Variants in RBM22 observed in about 807,000 individuals in gnomAD.
The protein encoded by RBM22 is RNA binding motif protein 22.
A neutral mutation model predicts 50.1 loss-of-function variants in RBM22; 1 was observed. That is an observed-to-expected ratio of 0.02 (90% CI 0.01 to 0.09). RBM22 has a LOEUF of 0.09. RBM22 is among the 10% of genes least tolerant of loss of function. The pLI, the probability that RBM22 is intolerant of heterozygous loss-of-function variation, is 1.00. For missense variants in RBM22, 264 were observed against 529.3 expected (o/e 0.50, Z 4.92); for synonymous variants, 152 against 179.0 (o/e 0.85, Z 1.20).
Position 150,701,058 on chromosome 5 carries a change from A to G in RBM22, c.-73T>C, listed in dbSNP as rs1310855807. Reference sequence around the variant, plus strand: ...ACCGCCACAATCCCGTCAAGCCCCGAGGCTAGCGCCGCGCCGGTCGGCGTC... The same window carrying G: ...ACCGCCACAATCCCGTCAAGCCCCGGGGCTAGCGCCGCGCCGGTCGGCGTC... On this transcript the variant is annotated 5_prime_UTR_variant, in exon 1 of 11. Coordinates refer to ENST00000199814, the MANE Select transcript of RBM22 (RefSeq NM_018047.3). 4 of 1,600,312 alleles carry G rather than the reference A, an allele frequency of 2.5e-6. No homozygotes were observed. The highest frequency in any genetic ancestry group is 1.3e-5 in the African/African-American group (1 of 74,532).
intron 4 of RBM22, among the ~76,000 whole-genome samples, chr5:150,698,295 T>G (rs909607396): frequency 1.3e-4 from 20 of 152,148 alleles, no homozygotes; most frequent in Non-Finnish European, 2.6e-4. Flanking sequence ...TTTGATTAAT[T>G]CCCAACTTTT....
Position 150,691,739 on chromosome 5 carries a change from G to A in RBM22, c.*12C>T, listed in dbSNP as rs766510502. On this transcript the variant is annotated 3_prime_UTR_variant, in exon 11 of 11. Coordinates refer to ENST00000199814, the MANE Select transcript of RBM22 (RefSeq NM_018047.3). ...CCTTTCTTCCACAGAGCCCCAGAGT[G>A]GTGACAAGGTGCTAGGGGCTGCTGT... 6.5e-7 allele frequency: 1 copy of A among 1,538,758 alleles called. No homozygotes were observed. Among genetic ancestry groups the A allele is most frequent in the South Asian group, 1.3e-5 (1 of 76,978 alleles).
rs202010898 is a variant in RBM22 at position 150,700,890 on chromosome 5, C to T, written c.54+42G>A. On this transcript the variant is annotated intron_variant, in intron 1 of 10. Coordinates refer to ENST00000199814, the MANE Select transcript of RBM22 (RefSeq NM_018047.3). ...TCCTGCCAGCTTGCAAGGTGCGCGG[C>T]TTCGCCTCCTCCTTCCATCCTCCTC... 2.3e-5 allele frequency: 37 copies of T among 1,614,178 alleles called. No individual in the cohort carries two copies. In the East Asian group the frequency reaches 7.6e-4, roughly 33 times the overall value.
In RBM22 at chr5:150,691,756, G is replaced by C. The variant is rs149919423; in HGVS notation, c.1258C>G (p.Pro420Ala). 6.3e-7 allele frequency: 1 copy of C among 1,589,202 alleles called. No individual in the cohort carries two copies. Among genetic ancestry groups the C allele is most frequent in the Non-Finnish European group, 8.6e-7 (1 of 1,167,440 alleles). ...CCCAGAGTGGTGACAAGGTGCTAGG[G>C]GCTGCTGTGTTTTCCAGCATGAGCT... ...MGAHAGKHSSP is the reference protein window; with the variant it reads ...MGAHAGKHSSA Residue 420 changes from proline to alanine, a missense_variant, in exon 11 of 11, where the codon CCC becomes GCC. Transcript: ENST00000199814.
At chr5:150,695,814 C>G in intron 6 of RBM22, 108 bp from the exon 7 acceptor site, 1 of 871,302 alleles carries the variant, frequency 1.1e-6, no homozygotes, top group Non-Finnish European at 1.8e-6. Context: ...TTCTGAAGTG[C>G]CTTTTGAACT....
intron 7 of RBM22, chr5:150,695,188 G>C (rs752834171): frequency 4.2e-6 from 1 of 238,560 alleles, no homozygotes; most frequent in African/African-American, 2.3e-5. Context: ...CACCACACCC[G>C]GCTAATTTTT....
chr5:150,691,032 G>T lies in RBM22; in HGVS notation c.*719C>A, dbSNP rs1759201000. ...GTTTGTTAAAGAACGTGTTTTACAG[G>T]AAGTTCTTTACAGTAATTTCATGCC... On this transcript the variant is annotated 3_prime_UTR_variant, in exon 11 of 11. Coordinates refer to ENST00000199814, the MANE Select transcript of RBM22 (RefSeq NM_018047.3). The T allele has an allele frequency of 6.6e-6, 1 of 152,346 alleles. No homozygotes were observed. The highest frequency in any genetic ancestry group is 6.5e-5 in the Admixed American group (1 of 15,284). 9.4% of individuals were successfully genotyped at this position (152,346 alleles called of 1,614,324 possible).
chr5:150,700,581 G>T, intron 1 of RBM22, 84 bp from the exon 2 acceptor site: 1 of 1,599,428 alleles, frequency 6.3e-7, no homozygotes. Flanking sequence ...GAGGGGGCGG[G>T]AAGCGAGGGT....
chr5:150,695,075 G>A (rs920235675), intron 7 of RBM22, among the ~76,000 whole-genome samples: 16 of 152,204 alleles, frequency 1.1e-4, no homozygotes, highest in African/African-American at 3.4e-4. Context: ...TGCTTAGGCT[G>A]GAGTGCAGTG....
chr5:150,700,588 G>T, intron 1 of RBM22, 91 bp from the exon 2 acceptor site: 1 of 1,591,814 alleles, frequency 6.3e-7, no homozygotes, highest in Non-Finnish European at 8.5e-7. Context: ...CGGGAAGCGA[G>T]GGTGGGGAAC....
Position 150,691,676 on chromosome 5 carries a change from A to G in RBM22, c.*75T>C. The G allele has an allele frequency of 7.2e-7, 1 of 1,391,008 alleles. No homozygotes were observed. The highest frequency in any genetic ancestry group is 9.5e-7 in the Non-Finnish European group (1 of 1,053,244). 86.2% of individuals were successfully genotyped at this position (1,391,008 alleles called of 1,614,324 possible). On this transcript the variant is annotated 3_prime_UTR_variant, in exon 11 of 11. Transcript: ENST00000199814. ...CATGGAAACTACAAGGGAAGGAAAA[A>G]TATATTTATTCCAAGATTTACTGGG...
intron 1 of RBM22, 50 bp from the exon 2 acceptor site, chr5:150,700,547 C>T (rs771441567): frequency 5.6e-6 from 9 of 1,612,980 alleles, no homozygotes; most frequent in African/African-American, 2.7e-5. Flanking sequence ...AAGACCCTGA[C>T]ACCTCAGTGA....
intron 8 of RBM22, among the ~76,000 whole-genome samples, 171 bp from the exon 9 acceptor site, chr5:150,693,478 C>T (rs926265060): frequency 1.3e-5 from 2 of 152,136 alleles, no homozygotes; most frequent in Non-Finnish European, 2.9e-5. Flanking sequence ...GTTTTGACAC[C>T]AGAAAAGACC....
intron 6 of RBM22, 108 bp from the exon 7 acceptor site, chr5:150,695,814 C>T (rs2151456779): frequency 2.3e-6 from 2 of 871,302 alleles, no homozygotes; most frequent in South Asian, 3.4e-5. Context: ...TTCTGAAGTG[C>T]CTTTTGAACT....
At position 150,700,921 on chromosome 5, in the gene RBM22, G is replaced by A. The variant is rs755662604; in HGVS notation, c.54+11C>T. 3 of 1,614,228 alleles carry A rather than the reference G, an allele frequency of 1.9e-6. No individual in the cohort carries two copies. The highest frequency in any genetic ancestry group is 1.3e-5 in the African/African-American group (1 of 75,056). On this transcript the variant is annotated intron_variant, in intron 1 of 10. Coordinates refer to ENST00000199814, the MANE Select transcript of RBM22 (RefSeq NM_018047.3). ...CTCCTCCTTCCATCCTCCTCCGGCA[G>A]GCACACTCACCGCATCCTCCCAGTT...
chr5:150,692,416 G>A (rs956051370), intron 10 of RBM22, among the ~76,000 whole-genome samples: 10 of 152,126 alleles, frequency 6.6e-5, no homozygotes, highest in Admixed American at 5.2e-4. Context: ...GAGTCAAAAT[G>A]TAAATTATAC....
In RBM22 at chr5:150,691,426, A is replaced by G. The variant is rs149187992; in HGVS notation, c.*325T>C. 80 of 189,782 alleles carry G rather than the reference A, an allele frequency of 4.2e-4. No individual in the cohort carries two copies. The highest frequency in any genetic ancestry group is 1.7e-3 in the African/African-American group (75 of 43,172). The allele number at this position is 189,782 out of a possible 1,614,324, so 11.8% of individuals were successfully genotyped here. A position where few individuals can be genotyped will look rare whatever the true frequency, so the allele number is the denominator to read the frequency against. On this transcript the variant is annotated 3_prime_UTR_variant, in exon 11 of 11. Coordinates refer to ENST00000199814, the MANE Select transcript of RBM22 (RefSeq NM_018047.3). ...TTCCCCCGACCAAAAAATATACAAA[A>G]TGAACATATAATTGGGAGGGTAACT...
Position 150,691,858 on chromosome 5 carries a change from G to A in RBM22, c.1156C>T (p.Pro386Ser). ...ATGAAAGGAGGGGGTGGTCCCATTG[G>A]GTGGAACATGTGTGGCCCAAAACCT... ...PPGFGPHMFH[P>S]MGPPPPFMRA... The change falls in exon 11 of 11, where the codon CCA becomes TCA. Residue 386 changes from proline (P) to serine (S), a missense_variant. Pro to Ser is a moderately conservative substitution (Grantham distance 74). This residue lies in a region of RBM22 where 106 missense variants were observed against 137.1 expected (regional missense o/e 0.77). Coordinates refer to ENST00000199814, the MANE Select transcript of RBM22 (RefSeq NM_018047.3). 1 of 1,597,406 alleles carries A rather than the reference G, an allele frequency of 6.3e-7. No homozygotes were observed.
intron 1 of RBM22, chr5:150,700,710 G>A (rs867682393): frequency 3.9e-6 from 6 of 1,533,334 alleles, no homozygotes; most frequent in African/African-American, 2.7e-5. Flanking sequence ...AGGCTGGAGG[G>A]GGCAGGGATG....
Sources: gnomAD v4.1 joint callset for allele counts (sites outside exome capture counted in the v4.1 genomes callset) on GRCh38, gnomAD v4.1.1 for gene constraint, gnomAD v4.1.1 regional missense constraint, MANE v1.5 for transcripts, NCBI Gene and HGNC (gene_info 2026-07-23, HGNC 2026-07-21) for gene names.